The following BEGAIN variants were observed in gnomAD, a reference collection of about 807,000 sequenced individuals.
BEGAIN encodes brain-enriched guanylate kinase-associated protein.
In BEGAIN, 19 loss-of-function variants were observed where a neutral mutation model predicts 35.8. The ratio of observed to expected loss-of-function variants is 0.53; its 90% CI spans 0.37 to 0.78. The LOEUF (loss-of-function observed/expected upper bound fraction) is 0.78. Among genes scored for constraint, BEGAIN ranks in the 30% least tolerant of loss-of-function variants. The probability of loss-of-function intolerance (pLI) is 0.00; values close to 1 mark genes in which losing one functional copy is unlikely to be tolerated. For missense variants in BEGAIN, 795 were observed against 853.6 expected, an observed-to-expected ratio of 0.93 and a Z score of 0.85; for synonymous variants, 462 against 388.6, an observed-to-expected ratio of 1.19 and a Z score of -2.22.
At position 100,568,393 on chromosome 14, in the gene BEGAIN, G is replaced by A; in HGVS notation, c.43-454C>T. 8.1e-7 allele frequency: 1 copy of A among 1,240,498 alleles called. No individual in the cohort carries two copies. 76.8% of individuals were successfully genotyped at this position (1,240,498 alleles called of 1,614,324 possible). A position where few individuals can be genotyped will look rare whatever the true frequency, so the allele number is the denominator to read the frequency against. ...CCGGAATCGCAGAACCTCCGAGTCG[G>A]AGAATGTTGGGGAATTCGGGGCCGT... On this transcript the variant is annotated intron_variant, in intron 1 of 6. Coordinates refer to ENST00000554140, the MANE Select transcript of BEGAIN (RefSeq NM_001385089.1). This position sits in a 1 kb window ranked among gnomAD's most constrained non-coding sequence, Gnocchi z 7.5.
chr14:100,545,356 TGTCCCATCC>T, intron 3 of BEGAIN: 6 of 1,267,676 alleles, frequency 4.7e-6, no homozygotes, highest in Admixed American at 7.3e-5. Flanking sequence ...CAAGAGACTC[TGTCCCATCC>T]ACACGCGGAG....
intron 3 of BEGAIN, 141 bp downstream of exon 3, chr14:100,546,356 GCCCC>G (rs1245709890): frequency 0.13 from 7,799 of 62,210 alleles, 1,829 homozygotes; most frequent in African/African-American, 0.34. Flanking sequence ...CCCTCGCCCC[GCCCC>G]GGCCCTCGCC....
rs1294743048 is a variant in BEGAIN at position 100,546,458 on chromosome 14, GCCCC to G, written c.233+39_233+42del. ...CTCGCCCCGCCCCGGCCCTCGCCCC[GCCCC>G]GGCCCTCGCCCCGCCCCGGCCCTCG... On this transcript the variant is annotated intron_variant, in intron 3 of 6. Transcript: ENST00000554140. The G allele has an allele frequency of 7.2e-4, 358 of 498,998 alleles. 16 individuals carry two copies. The Admixed American group carries it at 7.3e-3, about 10-fold the overall frequency. The allele number at this position is 498,998 out of a possible 1,614,324, so 30.9% of individuals were successfully genotyped here.
chr14:100,547,337 A>G (rs2032660255), intron 2 of BEGAIN: 1 of 152,268 alleles, frequency 6.6e-6, no homozygotes, highest in African/African-American at 2.4e-5. Flanking sequence ...CCCTTCCTCC[A>G]GGAAGCCTTC....
rs774792133 is a variant in BEGAIN at position 100,567,931 on chromosome 14, G to C, written c.51C>G (p.Ala17=). The change falls in exon 2 of 7, where the codon GCC becomes GCG. Residue 17 remains alanine, a synonymous_variant. Transcript: ENST00000554140. This position sits in a 1 kb window ranked among gnomAD's most constrained non-coding sequence, Gnocchi z 5.1. ...RPGRLRRAAS[A]ADMEKLSALQ... is the part of the protein sequence containing the mutation. ...CTCACCTGAGTTTCTCCATGTCTGC[G>C]GCAGAGGCCTGCGAGAAACCAAACG... 70 of 1,462,864 alleles carry C rather than the reference G, an allele frequency of 4.8e-5. No individual in the cohort carries two copies. In the South Asian group the frequency reaches 8.3e-4, roughly 17 times the overall value. The allele number at this position is 1,462,864 out of a possible 1,614,324, so 90.6% of individuals were successfully genotyped here. A position where few individuals can be genotyped will look rare whatever the true frequency, so the allele number is the denominator to read the frequency against.
At chr14:100,585,251 C>CCCAT (rs1370097715) in intron 1 of BEGAIN, among the ~76,000 whole-genome samples, 5 of 92,564 alleles carry the variant, frequency 5.4e-5, no homozygotes, top group East Asian at 3.2e-4. Flanking sequence ...CTCCCTCCCT[C>CCCAT]CCATCCATCC....
intron 2 of BEGAIN, among the ~76,000 whole-genome samples, chr14:100,562,194 G>C (rs909290126): frequency 6.6e-6 from 1 of 152,098 alleles, no homozygotes; most frequent in Admixed American, 6.5e-5. Context: ...GGGCCTGGGG[G>C]AAAGGGACAA....
rs142290283 is a variant in BEGAIN at position 100,584,571 on chromosome 14, A to G, written c.42+2678T>C. Among the ~76,000 whole-genome samples, 8 of 152,308 alleles carry G rather than the reference A, an allele frequency of 5.3e-5. No homozygotes were observed. In the East Asian group the frequency reaches 1.2e-3, roughly 22 times the overall value. On this transcript the variant is annotated intron_variant, in intron 1 of 6. Transcript: ENST00000554140. ...AGGTGAGTGTAGAATTCACACACTT[A>G]GTCATTCATCATTCATTCATTCATT...
At position 100,539,217 on chromosome 14, in the gene BEGAIN, G is replaced by T; in HGVS notation, c.591C>A (p.Val197=). ...GCACCTTGGCAATGACGCAGGTGGG[G>T]ACGCTGTCGGCGTAGGCCGGGTGGC... is the stretch of plus-strand genomic sequence containing the variant. ...PLCHPAYADS[V]PTCVIAKVLE... Residue 197 remains valine (V), a synonymous_variant, in exon 7 of 7, where the codon GTC becomes GTA. Transcript: ENST00000554140. 1 of 1,587,072 alleles carries T rather than the reference G, an allele frequency of 6.3e-7. No individual in the cohort carries two copies. The highest frequency in any genetic ancestry group is 8.6e-7 in the Non-Finnish European group (1 of 1,165,764).
At position 100,556,185 on chromosome 14, in the gene BEGAIN, T is replaced by C. The variant is rs2033706639; in HGVS notation, c.72-9523A>G. On this transcript the variant is annotated intron_variant, in intron 2 of 6. Transcript: ENST00000554140. ...TTGCTCCCCTGCCCTCCCCTCCCCC[T>C]CCTTCACTGGCCACACCTCTCCATT... Among the ~76,000 whole-genome samples the C allele has an allele frequency of 2.7e-5, 4 of 145,870 alleles. No individual in the cohort carries two copies. In the South Asian group the frequency reaches 9.3e-4, roughly 34 times the overall value.
intron 2 of BEGAIN, among the ~76,000 whole-genome samples, chr14:100,551,610 A>G (rs1018604740): frequency 6.6e-6 from 1 of 152,222 alleles, no homozygotes; most frequent in Non-Finnish European, 1.5e-5. Context: ...GGATAATTTA[A>G]CATTTTTCTT....
At position 100,562,102 on chromosome 14, in the gene BEGAIN, G is replaced by A. The variant is rs745407191; in HGVS notation, c.71+5809C>T. On this transcript the variant is annotated intron_variant, in intron 2 of 6. Coordinates refer to ENST00000554140, the MANE Select transcript of BEGAIN (RefSeq NM_001385089.1). Reference sequence around the variant, plus strand: ...ATCAAGTTTAGAAGTGGGGTAGAGAGCCTTGAAGGATCACACTCCGGGAGG... The same window carrying A: ...ATCAAGTTTAGAAGTGGGGTAGAGAACCTTGAAGGATCACACTCCGGGAGG... Among the ~76,000 whole-genome samples the A allele has an allele frequency of 1.4e-4, 21 of 152,160 alleles. 1 individual carries two copies. Among genetic ancestry groups the A allele is most frequent in the Non-Finnish European group, 2.2e-4 (15 of 68,008 alleles).
chr14:100,572,817 T>A lies in BEGAIN; in HGVS notation c.43-4878A>T, dbSNP rs190034399. Among the ~76,000 whole-genome samples, 474 of 152,240 alleles carry A rather than the reference T, an allele frequency of 3.1e-3. 1 individual carries two copies. The highest frequency in any genetic ancestry group is 0.011 in the African/African-American group (457 of 41,554). ...TCTGGAGAGCCAGCCTTCTAACTGA[T>A]CACTTGGAGTGGACAGCTTTCTAAG... On this transcript the variant is annotated intron_variant, in intron 1 of 6. Transcript: ENST00000554140.
Position 100,537,838 on chromosome 14 carries a change from C to T in BEGAIN, c.*131G>A. On this transcript the variant is annotated 3_prime_UTR_variant, in exon 7 of 7. Transcript: ENST00000554140. ...ACAGGGCTGGGGAGGAGAGGAGGTGCGGGGAGGAACAGACTCCTCGTTGTT... is the reference window on the plus strand; with the variant it reads ...ACAGGGCTGGGGAGGAGAGGAGGTGTGGGGAGGAACAGACTCCTCGTTGTT... 3 of 1,331,582 alleles carry T rather than the reference C, an allele frequency of 2.3e-6. No homozygotes were observed. Among genetic ancestry groups the T allele is most frequent in the Non-Finnish European group, 2.0e-6 (2 of 1,014,728 alleles). The allele number at this position is 1,331,582 out of a possible 1,614,324, so 82.5% of individuals were successfully genotyped here. A position where few individuals can be genotyped will look rare whatever the true frequency, so the allele number is the denominator to read the frequency against.
chr14:100,539,590 C>A (rs560600147), intron 6 of BEGAIN, among the ~76,000 whole-genome samples: 1 of 152,242 alleles, frequency 6.6e-6, no homozygotes, highest in East Asian at 1.9e-4. Flanking sequence ...AGCCCAGAAG[C>A]TGCAGTCGCC....
rs1053078343 is a variant in BEGAIN at position 100,545,465 on chromosome 14, C to CT, written c.234-400dup. ...AAATGAGCAGGGAAGAAACTTAACA[C>CT]TAACTATGTGATGGGCCCCAGGGTG... On this transcript the variant is annotated intron_variant, in intron 3 of 6. Transcript: ENST00000554140. The CT allele has an allele frequency of 5.9e-6, 6 of 1,024,352 alleles. No individual in the cohort carries two copies. In the African/African-American group the frequency reaches 8.5e-5, roughly 15 times the overall value. The allele number at this position is 1,024,352 out of a possible 1,614,324, so 63.5% of individuals were successfully genotyped here. A position where few individuals can be genotyped will look rare whatever the true frequency, so the allele number is the denominator to read the frequency against.
chr14:100,561,096 G>A (rs909673860), intron 2 of BEGAIN, among the ~76,000 whole-genome samples: 6 of 152,174 alleles, frequency 3.9e-5, no homozygotes, highest in Non-Finnish European at 7.4e-5. Flanking sequence ...AAACAGGCAC[G>A]TGGCATCGCC....
intron 2 of BEGAIN, among the ~76,000 whole-genome samples, chr14:100,561,868 A>G (rs1023366719): frequency 1.3e-5 from 2 of 152,064 alleles, no homozygotes; most frequent in Admixed American, 6.5e-5. Flanking sequence ...TGTGGGGACA[A>G]AGGCACCCTG....
At chr14:100,583,134 C>T (rs1009459573) in intron 1 of BEGAIN, among the ~76,000 whole-genome samples, 1 of 151,882 alleles carries the variant, frequency 6.6e-6, no homozygotes, top group Non-Finnish European at 1.5e-5. Context: ...TCACTCCCGT[C>T]TCCATCTGTC....
Sources: gnomAD v4.1 joint callset for allele counts (sites outside exome capture counted in the v4.1 genomes callset) on GRCh38, gnomAD v4.1.1 for gene constraint, Gnocchi (gnomAD v3.1) non-coding constraint, MANE v1.5 for transcripts, NCBI Gene and HGNC (gene_info 2026-07-23, HGNC 2026-07-21) for gene names.